Variants in TSTD2 observed in about 807,000 individuals in gnomAD.
TSTD2 encodes the protein thiosulfate sulfurtransferase like domain containing 2.
A neutral mutation model predicts 47.9 loss-of-function variants in TSTD2; 37 were observed. The ratio of observed to expected loss-of-function variants is 0.77; its 90% confidence interval spans 0.59 to 1.02. The LOEUF is 1.02. Ranked by LOEUF, TSTD2 falls within the 50% of genes least tolerant of loss-of-function variation. The pLI is 0.00. For synonymous variants in TSTD2, 201 were observed against 215.9 expected (o/e 0.93, Z 0.61); for missense variants, 586 against 616.0 (o/e 0.95, Z 0.52).
In TSTD2 at chr9:97,625,841, T is replaced by C; in HGVS notation, c.322A>G (p.Thr108Ala). The change falls in exon 3 of 10, where the codon ACA (threonine) becomes GCA (alanine). Residue 108 changes from threonine (T) to alanine (A), a missense_variant. By Grantham distance (58) the Thr-to-Ala change is moderately conservative (BLOSUM62 0). Coordinates refer to ENST00000341170, the MANE Select transcript of TSTD2 (RefSeq NM_139246.5). The part of the protein sequence containing the change: ...TQHADEIYHQ[T>A]ASILKQLAVT... The stretch of plus-strand genomic sequence containing the variant: ...GCCAGTTGCTTTAAAATAGAAGCTG[T>C]CTGGTGATAAATTTCATCAGCATGT... 1 of 1,614,192 alleles carries C rather than the reference T, an allele frequency of 6.2e-7. No individual in the cohort carries two copies. Among genetic ancestry groups the C allele is most frequent in the Non-Finnish European group, 8.5e-7 (1 of 1,180,004 alleles).
rs747618220 is a variant in TSTD2 at position 97,605,510 on chromosome 9, C to T, written c.1086G>A (p.Glu362=). 1 of 1,614,006 alleles carries T rather than the reference C, an allele frequency of 6.2e-7. No individual in the cohort carries two copies. Among genetic ancestry groups the T allele is most frequent in the Non-Finnish European group, 8.5e-7 (1 of 1,179,950 alleles). Residue 362 remains glutamate, a synonymous_variant, in exon 8 of 10, where the codon GAG becomes GAA. Transcript: ENST00000341170. ...TGGCTTTGAGGTAGGCTGAACCCCG[C>T]TCACAGCGGATGCCCCCGGTACAGT... is the stretch of plus-strand genomic sequence containing the variant. ...LMYCTGGIRC[E]RGSAYLKAKG...
chr9:97,610,598 G>C, intron 5 of TSTD2, 147 bp from the exon 6 acceptor site: 1 of 508,698 alleles, frequency 2.0e-6, no homozygotes, highest in Non-Finnish European at 3.3e-6. Context: ...GAATGTTCCA[G>C]ATAATTCAAC....
At position 97,602,212 on chromosome 9, in the gene TSTD2, C is replaced by A. The variant is rs138279350; in HGVS notation, c.*257G>T. ...TGTGGCCACCAGGCTCAGGCTCTAT[C>A]CCTCAGCAGCTTTGGGATCCCATGC... On this transcript the variant is annotated 3_prime_UTR_variant, in exon 10 of 10. Coordinates refer to ENST00000341170, the MANE Select transcript of TSTD2 (RefSeq NM_139246.5). The A allele has an allele frequency of 6.8e-4, 319 of 470,688 alleles. 1 individual carries two copies. The highest frequency in any genetic ancestry group is 5.9e-3 in the African/African-American group (300 of 51,006). 29.2% of individuals were successfully genotyped at this position (470,688 alleles called of 1,614,324 possible). A position where few individuals can be genotyped will look rare whatever the true frequency, so the allele number is the denominator to read the frequency against.
intron 4 of TSTD2, among the ~76,000 whole-genome samples, chr9:97,614,209 T>C (rs1012022954): frequency 1.3e-5 from 2 of 152,252 alleles, no homozygotes; most frequent in Non-Finnish European, 2.9e-5. Context: ...AAGTGGTATA[T>C]AATTTTAAAC....
chr9:97,623,479 T>C (rs1262036480), intron 3 of TSTD2, among the ~76,000 whole-genome samples: 1 of 152,256 alleles, frequency 6.6e-6, no homozygotes, highest in African/African-American at 2.4e-5. Context: ...TTAATGTCTC[T>C]GTGTCTTCCC....
At chr9:97,631,123 A>T (rs1426505465) in intron 1 of TSTD2, among the ~76,000 whole-genome samples, 2 of 152,132 alleles carry the variant, frequency 1.3e-5, no homozygotes, top group Admixed American at 1.3e-4. Context: ...CTTGTTCAGA[A>T]AATACTTTTT....
At chr9:97,607,721 G>A (rs1460514404) in intron 6 of TSTD2, among the ~76,000 whole-genome samples, 2 of 152,150 alleles carry the variant, frequency 1.3e-5, no homozygotes, top group Non-Finnish European at 2.9e-5. Flanking sequence ...TGGCTAACAT[G>A]GTGAAACCCC....
chr9:97,603,663 G>T (rs972492506), intron 9 of TSTD2, among the ~76,000 whole-genome samples: 5 of 152,296 alleles, frequency 3.3e-5, no homozygotes, highest in Non-Finnish European at 5.9e-5. Flanking sequence ...GTGTGCTACG[G>T]ATTTACTTGG....
At position 97,601,280 on chromosome 9, in the gene TSTD2, C is replaced by T. The variant is rs750949440; in HGVS notation, c.*1189G>A. On this transcript the variant is annotated 3_prime_UTR_variant, in exon 10 of 10. Transcript: ENST00000341170. ...TGGCTGCGTATGTGTTTCTTGGAAC[C>T]TGTGTGACAGGGACATGTGCCTGGC... 11 of 1,195,286 alleles carry T rather than the reference C, an allele frequency of 9.2e-6. No individual in the cohort carries two copies. Among genetic ancestry groups the T allele is most frequent in the Non-Finnish European group, 1.2e-5 (11 of 935,242 alleles). 74.0% of individuals were successfully genotyped at this position (1,195,286 alleles called of 1,614,324 possible). A position where few individuals can be genotyped will look rare whatever the true frequency, so the allele number is the denominator to read the frequency against.
In TSTD2 at chr9:97,606,222, T is replaced by C. The variant is rs749302440; in HGVS notation, c.875A>G (p.Glu292Gly). Reference sequence around the variant, plus strand: ...TTGATTTGCCTGAGATAAAAACTTTTCTACTTCTTTATGAAATTCACCTGG... The same window carrying C: ...TTGATTTGCCTGAGATAAAAACTTTCCTACTTCTTTATGAAATTCACCTGG... ...LSPGEFHKEV[E>G]KFLSQANQEQ... Residue 292 changes from glutamate to glycine, a missense_variant, in exon 7 of 10, where the codon GAA becomes GGA. Physicochemically the swap from Glu to Gly is moderately conservative, Grantham distance 98. Coordinates refer to ENST00000341170, the MANE Select transcript of TSTD2 (RefSeq NM_139246.5). 1.2e-6 allele frequency: 2 copies of C among 1,611,048 alleles called. No homozygotes were observed. The highest frequency in any genetic ancestry group is 4.5e-5 in the East Asian group (2 of 44,852).
At position 97,625,737 on chromosome 9, in the gene TSTD2, ATGGCTAT is replaced by A; in HGVS notation, c.419_425del (p.His140LeufsTer10). The A allele has an allele frequency of 6.2e-7, 1 of 1,614,174 alleles. No homozygotes were observed. The highest frequency in any genetic ancestry group is 2.2e-5 in the East Asian group (1 of 44,878). On this transcript the variant is annotated frameshift_variant, in exon 3 of 10. Coordinates refer to ENST00000341170, the MANE Select transcript of TSTD2 (RefSeq NM_139246.5). LOFTEE classifies it high-confidence loss of function. The stretch of plus-strand genomic sequence containing the variant: ...TATCAGGGAGCCAAGCAGACACGTC[ATGGCTAT>A]GTGGAAGGCACTCTTTTAAAGGGTT...
intron 3 of TSTD2, among the ~76,000 whole-genome samples, chr9:97,619,399 C>A (rs532133610): frequency 1.3e-5 from 2 of 152,330 alleles, no homozygotes; most frequent in East Asian, 3.9e-4. Flanking sequence ...GCAACAAGAC[C>A]AATCCCTCTT....
chr9:97,607,842 T>C (rs1474663848), intron 6 of TSTD2, among the ~76,000 whole-genome samples: 1 of 151,930 alleles, frequency 6.6e-6, no homozygotes, highest in Admixed American at 6.6e-5. Context: ...AGGCAGAGGT[T>C]GTAGTGAGCA....
At chr9:97,619,338 T>C (rs1826593919) in intron 3 of TSTD2, among the ~76,000 whole-genome samples, 1 of 152,218 alleles carries the variant, frequency 6.6e-6, no homozygotes, top group Admixed American at 6.5e-5. Context: ...GGGTTTGAAC[T>C]GTGCAGGTCC....
At position 97,601,371 on chromosome 9, in the gene TSTD2, G is replaced by A. The variant is rs1425538454; in HGVS notation, c.*1098C>T. On this transcript the variant is annotated 3_prime_UTR_variant, in exon 10 of 10. Coordinates refer to ENST00000341170, the MANE Select transcript of TSTD2 (RefSeq NM_139246.5). ...GATGACCTCAGTAAGAATGTGTCAT[G>A]TATTCCAGGTGCTGATCTAAAAACT... is the stretch of plus-strand genomic sequence containing the variant. 5 of 1,087,168 alleles carry A rather than the reference G, an allele frequency of 4.6e-6. No homozygotes were observed. The Admixed American group carries it at 2.6e-4, about 56-fold the overall frequency. 67.3% of individuals were successfully genotyped at this position (1,087,168 alleles called of 1,614,324 possible). A position where few individuals can be genotyped will look rare whatever the true frequency, so the allele number is the denominator to read the frequency against.
At chr9:97,624,720 A>G (rs1826692918) in intron 3 of TSTD2, among the ~76,000 whole-genome samples, 1 of 152,140 alleles carries the variant, frequency 6.6e-6, no homozygotes, top group Admixed American at 6.5e-5. Flanking sequence ...AGAAGAGTCT[A>G]ATGCAGTTTG....
At chr9:97,602,923 ACCACCACCC>A (rs1363927007) in intron 9 of TSTD2, 156 bp from the exon 10 acceptor site, 1 of 646,876 alleles carries the variant, frequency 1.5e-6, no homozygotes, top group Non-Finnish European at 2.5e-6. Context: ...ACAACAACTA[ACCACCACCC>A]CCACCACCCA....
At chr9:97,630,349 T>C (rs577146631) in intron 1 of TSTD2, among the ~76,000 whole-genome samples, 1 of 152,318 alleles carries the variant, frequency 6.6e-6, no homozygotes, top group South Asian at 2.1e-4. Context: ...CTCTGAATTA[T>C]TATTATTTGT....
intron 3 of TSTD2, among the ~76,000 whole-genome samples, chr9:97,622,468 A>T (rs1826655362): frequency 6.6e-6 from 1 of 152,244 alleles, no homozygotes; most frequent in Admixed American, 6.5e-5. Flanking sequence ...TGCAGAAGGG[A>T]AATGTGGGGT....
Sources: allele counts gnomAD v4.1 joint callset (sites outside exome capture counted in the v4.1 genomes callset), GRCh38; gene constraint gnomAD v4.1.1; transcripts MANE v1.5; gene names NCBI Gene and HGNC (gene_info 2026-07-23, HGNC 2026-07-21).